LHFPL6: variants seen among roughly 807,000 people sequenced by gnomAD.
LHFPL6 encodes LHFPL tetraspan subfamily member 6 protein.
A neutral mutation model predicts 20.6 loss-of-function variants in LHFPL6; 9 were observed. The observed-to-expected ratio is 0.44, with a 90% CI of 0.26 to 0.76. The LOEUF is 0.76. Among genes scored for constraint, LHFPL6 ranks in the 30% least tolerant of loss-of-function variants. The probability of loss-of-function intolerance (pLI) is 0.20; values close to 1 mark genes in which losing one functional copy is unlikely to be tolerated. For synonymous variants in LHFPL6, 105 were observed against 98.7 expected, an observed-to-expected ratio of 1.06 and a Z score of -0.38; for missense variants, 218 against 253.5, an observed-to-expected ratio of 0.86 and a Z score of 0.95.
At chr13:39,374,420 CTT>C (rs1431685286) in intron 3 of LHFPL6, among the ~76,000 whole-genome samples, 2 of 152,078 alleles carry the variant, frequency 1.3e-5, no homozygotes, top group African/African-American at 4.8e-5. Context: ...AAAACTAACT[CTT>C]GGGCATTATG....
At chr13:39,382,329 G>T (rs148244822) in intron 2 of LHFPL6, among the ~76,000 whole-genome samples, 48 of 152,220 alleles carry the variant, frequency 3.2e-4, no homozygotes, top group African/African-American at 1.1e-3. Flanking sequence ...TGTCTCTTGC[G>T]TTCTGTCTGG....
At chr13:39,539,618 A>T (rs1593355081) in intron 2 of LHFPL6, among the ~76,000 whole-genome samples, 1 of 152,214 alleles carries the variant, frequency 6.6e-6, no homozygotes, top group African/African-American at 2.4e-5. Flanking sequence ...CACTGGGGAA[A>T]ATGAACTCAA....
At chr13:39,565,692 CAG>C (rs1593366226) in intron 2 of LHFPL6, among the ~76,000 whole-genome samples, 2 of 152,226 alleles carry the variant, frequency 1.3e-5, no homozygotes. Context: ...AAATTCCTGG[CAG>C]AGTCACTTTG....
At chr13:39,375,746 C>T (rs1343612676) in intron 3 of LHFPL6, among the ~76,000 whole-genome samples, 1 of 150,998 alleles carries the variant, frequency 6.6e-6, no homozygotes, top group East Asian at 1.9e-4. Context: ...CTATGCCACA[C>T]TTTCTCTTTA....
At chr13:39,408,377 C>A (rs958049140) in intron 2 of LHFPL6, among the ~76,000 whole-genome samples, 2 of 152,162 alleles carry the variant, frequency 1.3e-5, no homozygotes, top group African/African-American at 4.8e-5. Flanking sequence ...ATCTTTTCAT[C>A]CCCAAATTGA....
At chr13:39,434,913 G>A (rs894839283) in intron 2 of LHFPL6, among the ~76,000 whole-genome samples, 17 of 151,392 alleles carry the variant, frequency 1.1e-4, no homozygotes, top group Non-Finnish European at 1.5e-4. Context: ...AAAATTAGCC[G>A]GGCGCGGTGG....
At chr13:39,464,285 T>C (rs1002147564) in intron 2 of LHFPL6, among the ~76,000 whole-genome samples, 9 of 152,292 alleles carry the variant, frequency 5.9e-5, no homozygotes, top group African/African-American at 2.2e-4. Context: ...ATCTTTCCAA[T>C]GATAATTTTG....
intron 2 of LHFPL6, among the ~76,000 whole-genome samples, chr13:39,405,732 C>T (rs895837332): frequency 2.6e-5 from 4 of 152,178 alleles, no homozygotes; most frequent in Non-Finnish European, 4.4e-5. Flanking sequence ...ATAACAAAAG[C>T]AGGTGCTGCA....
intron 3 of LHFPL6, among the ~76,000 whole-genome samples, chr13:39,370,213 C>T (rs762571362): frequency 4.6e-5 from 7 of 152,236 alleles, no homozygotes; most frequent in Middle Eastern, 3.4e-3. Context: ...CTCCCTTGGA[C>T]GCGGAAGTTT....
chr13:39,500,986 C>T (rs1256916687), intron 2 of LHFPL6, among the ~76,000 whole-genome samples: 8 of 152,140 alleles, frequency 5.3e-5, no homozygotes, highest in African/African-American at 1.2e-4. Context: ...TGGGGTGGGG[C>T]GTGACAATGT....
rs1336123560 is a variant in LHFPL6, at chr13:39,343,958, T to C, written c.581A>G (p.Lys194Arg). Residue 194 changes from lysine (K) to arginine (R), a missense_variant, in exon 4 of 4, where the codon AAA becomes AGA. By Grantham distance (26) the Lys-to-Arg change is conservative. Transcript: ENST00000379589. ...ATCTCAGTATGGGTAGTGCTTCTGTTTCTTGCCCGAAAAGCAAGCCAGCCA... is the reference window on the plus strand; with the variant it reads ...ATCTCAGTATGGGTAGTGCTTCTGTCTCTTGCCCGAAAAGCAAGCCAGCCA... ...CTWLACFSGK[K>R]QKHYPY is the part of the protein sequence containing the mutation. The C allele has an allele frequency of 6.2e-7, 1 of 1,613,716 alleles. No individual in the cohort carries two copies. Among genetic ancestry groups the C allele is most frequent in the Non-Finnish European group, 8.5e-7 (1 of 1,179,940 alleles).
chr13:39,408,365 A>G (rs1445062855), intron 2 of LHFPL6, among the ~76,000 whole-genome samples: 1 of 152,224 alleles, frequency 6.6e-6, no homozygotes, highest in Non-Finnish European at 1.5e-5. Flanking sequence ...AGTAATGAAG[A>G]TATCTTTTCA....
chr13:39,472,138 C>G (rs531987613), intron 2 of LHFPL6, among the ~76,000 whole-genome samples: 40 of 152,274 alleles, frequency 2.6e-4, no homozygotes, highest in Admixed American at 1.0e-3. Context: ...CTCCCTGGTC[C>G]TAGACGTAGT....
intron 2 of LHFPL6, among the ~76,000 whole-genome samples, chr13:39,539,011 CCATAG>C (rs1352920299): frequency 3.9e-5 from 6 of 152,064 alleles, no homozygotes; most frequent in Non-Finnish European, 7.4e-5. Context: ...ATGAAAGCAA[CCATAG>C]ACAATACAGA....
intron 2 of LHFPL6, among the ~76,000 whole-genome samples, chr13:39,512,531 G>A (rs2138476422): frequency 6.6e-6 from 1 of 151,146 alleles, no homozygotes; most frequent in Non-Finnish European, 1.5e-5. Context: ...GAACCTGGGA[G>A]GCGGAGCTTG....
intron 2 of LHFPL6, among the ~76,000 whole-genome samples, chr13:39,413,074 A>AC (rs1301872271): frequency 7.9e-5 from 12 of 152,202 alleles, no homozygotes; most frequent in Non-Finnish European, 1.5e-4. Flanking sequence ...CCCTAACTCT[A>AC]CCCCAAGGAG....
At chr13:39,572,478 T>C (rs1318299943) in intron 2 of LHFPL6, among the ~76,000 whole-genome samples, 1 of 152,204 alleles carries the variant, frequency 6.6e-6, no homozygotes, top group African/African-American at 2.4e-5. Flanking sequence ...AAGGGTATTA[T>C]ACAGTACATC....
At chr13:39,475,248 T>C (rs1873055043) in intron 2 of LHFPL6, among the ~76,000 whole-genome samples, 2 of 152,152 alleles carry the variant, frequency 1.3e-5, no homozygotes, top group Non-Finnish European at 2.9e-5. Context: ...ATCTTAGACA[T>C]GCAGGCAGAT....
intron 3 of LHFPL6, among the ~76,000 whole-genome samples, chr13:39,351,649 C>T (rs1479698244): frequency 6.6e-6 from 1 of 152,108 alleles, no homozygotes; most frequent in African/African-American, 2.4e-5. Context: ...ATATTTGAGT[C>T]CTTGTGGATG....
Sources: gnomAD v4.1 joint callset for allele counts (sites outside exome capture counted in the v4.1 genomes callset) on GRCh38, gnomAD v4.1.1 for gene constraint, MANE v1.5 for transcripts, NCBI Gene and HGNC (gene_info 2026-07-23, HGNC 2026-07-21) for gene names.